Variants in SYBU observed in about 807,000 individuals in gnomAD.
SYBU encodes the protein syntabulin.
A neutral mutation model predicts 35.9 loss-of-function variants in SYBU; 21 were observed. That is an observed-to-expected ratio of 0.58 (90% CI 0.41 to 0.84). The LOEUF (loss-of-function observed/expected upper bound fraction) is 0.84, where lower values mean the gene tolerates loss of function less well. Among genes scored for constraint, SYBU ranks in the 40% least tolerant of loss-of-function variants. The pLI is 0.00. For synonymous variants in SYBU, 319 were observed against 324.3 expected, an observed-to-expected ratio of 0.98 and a Z score of 0.18; for missense variants, 768 against 848.2, an observed-to-expected ratio of 0.91 and a Z score of 1.17.
chr8:109,683,518 T>C (rs1328723274), upstream of SYBU, among the ~76,000 whole-genome samples: 1 of 152,222 alleles, frequency 6.6e-6, no homozygotes, highest in Non-Finnish European at 1.5e-5. Flanking sequence ...GTAACTTACT[T>C]GCTTTTAATT....
chr8:109,593,507 C>T (rs1393938894), intron 3 of SYBU, among the ~76,000 whole-genome samples: 2 of 152,154 alleles, frequency 1.3e-5, no homozygotes, highest in Non-Finnish European at 2.9e-5. Context: ...CCAGTTCCAG[C>T]CAAACTCATG....
intron 3 of SYBU, among the ~76,000 whole-genome samples, chr8:109,590,202 C>T (rs1382741703): frequency 6.6e-6 from 1 of 152,196 alleles, no homozygotes; most frequent in African/African-American, 2.4e-5. Context: ...TTAAAAGAAG[C>T]TGCTCTAAAG....
rs1424347287 is a variant in SYBU at position 109,618,923 on chromosome 8, A to G, written c.346T>C (p.Cys116Arg). Residue 116 changes from cysteine to arginine, a missense_variant, in exon 3 of 7, where the codon TGC (cysteine) becomes CGC (arginine). Coordinates refer to ENST00000276646, the MANE Select transcript of SYBU (RefSeq NM_001099754.2). ...GSDEGFTRKK[C>R]TIGMVGEGSI... Reference sequence around the variant, plus strand: ...CCTTCACCAACCATTCCAATCGTGCATTTCTTTCTGGTGAAGCCTTCATCA... The same window carrying G: ...CCTTCACCAACCATTCCAATCGTGCGTTTCTTTCTGGTGAAGCCTTCATCA... 6.2e-7 allele frequency: 1 copy of G among 1,614,030 alleles called. No homozygotes were observed. Among genetic ancestry groups the G allele is most frequent in the African/African-American group, 1.3e-5 (1 of 74,912 alleles).
At chr8:109,686,040 T>C (rs1188954320) in intron 1 of SYBU, among the ~76,000 whole-genome samples, 1 of 152,202 alleles carries the variant, frequency 6.6e-6, no homozygotes, top group Non-Finnish European at 1.5e-5. Flanking sequence ...TACAAGCTAG[T>C]AATGTCTGCA....
Position 109,584,651 on chromosome 8 carries a change from A to T in SYBU, c.530+1409T>A, listed in dbSNP as rs1481038846. On this transcript the variant is annotated intron_variant, in intron 4 of 6. Coordinates refer to ENST00000276646, the MANE Select transcript of SYBU (RefSeq NM_001099754.2). The surrounding 1 kb of genome is among the most constrained non-coding windows in gnomAD (Gnocchi z 4.0). ...ATTGTGCTTTATTACTGCGGACTTC[A>T]CTCTTTTGTTACAGGTTTGTCTGGC... Among the ~76,000 whole-genome samples, 1 of 151,614 alleles carries T rather than the reference A, an allele frequency of 6.6e-6. No homozygotes were observed. Among genetic ancestry groups the T allele is most frequent in the Non-Finnish European group, 1.5e-5 (1 of 67,908 alleles).
At position 109,618,928 on chromosome 8, in the gene SYBU, T is replaced by C; in HGVS notation, c.341A>G (p.Lys114Arg). The change falls in exon 3 of 7, where the codon AAG becomes AGG. Residue 114 changes from lysine (K) to arginine (R), a missense_variant. Coordinates refer to ENST00000276646, the MANE Select transcript of SYBU (RefSeq NM_001099754.2). ...CPGSDEGFTR[K>R]KCTIGMVGEG... ...ACCAACCATTCCAATCGTGCATTTC[T>C]TTCTGGTGAAGCCTTCATCACTTCC... 2 of 1,614,210 alleles carry C rather than the reference T, an allele frequency of 1.2e-6. No individual in the cohort carries two copies. Among genetic ancestry groups the C allele is most frequent in the Non-Finnish European group, 1.7e-6 (2 of 1,180,014 alleles).
At chr8:109,659,876 GT>G (rs1291086158) in intron 1 of SYBU, among the ~76,000 whole-genome samples, 8 of 152,134 alleles carry the variant, frequency 5.3e-5, no homozygotes, top group Admixed American at 2.0e-4. Context: ...GCTTAAGGCA[GT>G]TTTTTTAATT....
intron 2 of SYBU, among the ~76,000 whole-genome samples, chr8:109,638,252 C>T (rs1001822393): frequency 6.6e-6 from 1 of 152,182 alleles, no homozygotes; most frequent in African/African-American, 2.4e-5. Flanking sequence ...GCACGGCATG[C>T]TGCTAACCAT....
chr8:109,623,949 T>C (rs1053535176), intron 2 of SYBU, among the ~76,000 whole-genome samples: 2 of 152,214 alleles, frequency 1.3e-5, no homozygotes, highest in African/African-American at 4.8e-5. Flanking sequence ...TGCTTGCCTG[T>C]TTGCTTTTTG....
In SYBU at chr8:109,575,008, T is replaced by C. The variant is rs2131159142; in HGVS notation, c.1890A>G (p.Arg630=). ...TGTTATACACAGGATCCGTTCCCCC[T>C]CTCTGAGTACTGAATGCCCACAGAA... is the stretch of plus-strand genomic sequence containing the variant. ...PTVLWAFSTQ[R]GGTDPVYNIG... The change falls in exon 7 of 7, where the codon AGA becomes AGG. Residue 630 remains arginine, a synonymous_variant. Transcript: ENST00000276646. 2.5e-6 allele frequency: 4 copies of C among 1,590,832 alleles called. No homozygotes were observed. In the African/African-American group the frequency reaches 5.4e-5, roughly 21 times the overall value.
At chr8:109,640,025 G>A (rs998475365) in intron 2 of SYBU, among the ~76,000 whole-genome samples, 1 of 152,194 alleles carries the variant, frequency 6.6e-6, no homozygotes, top group Non-Finnish European at 1.5e-5. Flanking sequence ...GGAACTGACA[G>A]CACAGGAAGA....
chr8:109,627,243 A>C (rs1041914058), intron 2 of SYBU, among the ~76,000 whole-genome samples: 1 of 152,182 alleles, frequency 6.6e-6, no homozygotes, highest in South Asian at 2.1e-4. Context: ...GCATTTACTG[A>C]CTACTTATTC....
Position 109,623,266 on chromosome 8 carries a change from C to T in SYBU, c.230-4227G>A, listed in dbSNP as rs116381810. 8.0e-3 allele frequency among the ~76,000 whole-genome samples: 1,223 copies of T among 152,252 alleles called. 8 individuals are homozygous for T. The highest frequency in any genetic ancestry group is 0.028 in the African/African-American group (1,166 of 41,540). Reference sequence around the variant, plus strand: ...CTGGTGGAACTCAGGTAAACATTACCCTCCTCAAGGCCACATCTAAATGAT... The same window carrying T: ...CTGGTGGAACTCAGGTAAACATTACTCTCCTCAAGGCCACATCTAAATGAT... On this transcript the variant is annotated intron_variant, in intron 2 of 6. Transcript: ENST00000276646.
intron 2 of SYBU, among the ~76,000 whole-genome samples, chr8:109,631,268 G>C (rs1368468353): frequency 6.6e-6 from 1 of 152,182 alleles, no homozygotes; most frequent in Non-Finnish European, 1.5e-5. Flanking sequence ...AAATTAGCTT[G>C]TCAGAGTGAC....
intron 1 of SYBU, among the ~76,000 whole-genome samples, chr8:109,687,103 C>T (rs1488634260): frequency 2.0e-5 from 3 of 152,094 alleles, no homozygotes; most frequent in African/African-American, 7.2e-5. Context: ...TTCAAGAAGA[C>T]TGGACTCTAA....
chr8:109,686,514 T>G (rs980182390), intron 1 of SYBU, among the ~76,000 whole-genome samples: 1 of 152,202 alleles, frequency 6.6e-6, no homozygotes, highest in African/African-American at 2.4e-5. Context: ...CATTTAAAGT[T>G]AATTTGGTGT....
upstream of SYBU, chr8:109,645,085 C>A (rs1381844741): frequency 2.1e-6 from 1 of 484,006 alleles, no homozygotes; most frequent in Non-Finnish European, 4.0e-6. Flanking sequence ...CAGGGGTGAC[C>A]CCACCCTCTT....
chr8:109,687,199 A>C (rs2130790701), intron 1 of SYBU, among the ~76,000 whole-genome samples: 1 of 152,288 alleles, frequency 6.6e-6, no homozygotes, highest in Admixed American at 6.5e-5. Context: ...TAAACTCACT[A>C]CTTGTTACAG....
intron 3 of SYBU, among the ~76,000 whole-genome samples, chr8:109,589,881 TAAGC>T (rs1824023774): frequency 6.6e-6 from 1 of 152,132 alleles, no homozygotes. Context: ...TGAGATCTAC[TAAGC>T]AGTATTAAGC....
Sources: gnomAD v4.1 joint callset for allele counts (sites outside exome capture counted in the v4.1 genomes callset) on GRCh38, gnomAD v4.1.1 for gene constraint, Gnocchi (gnomAD v3.1) non-coding constraint, MANE v1.5 for transcripts, NCBI Gene and HGNC (gene_info 2026-07-23, HGNC 2026-07-21) for gene names.